Variants in DMD observed in about 807,000 individuals in gnomAD.
DMD encodes the protein mutant dystrophin.
A neutral mutation model predicts 330.1 loss-of-function variants in DMD; 63 were observed. The ratio of observed to expected loss-of-function variants is 0.19; its 90% CI spans 0.16 to 0.24. DMD has a LOEUF of 0.24. Among genes scored for constraint, DMD ranks in the 10% least tolerant of loss-of-function variants. DMD has a pLI of 1.00. For synonymous variants in DMD, 1,223 were observed against 959.8 expected (o/e 1.27, Z -5.07); for missense variants, 3,344 against 2,684.1 (o/e 1.25, Z -5.43).
intron 45 of DMD, among the ~76,000 whole-genome samples, chrX:31,963,351 G>T: frequency 8.9e-6 from 1 of 112,060 alleles, no homozygotes; most frequent in Non-Finnish European, 1.9e-5. Context: ...TTTGGTTTAA[G>T]AATTCAGAAG....
chrX:32,901,314 G>C (rs1411601969), intron 2 of DMD, among the ~76,000 whole-genome samples: 1 of 111,296 alleles, frequency 9.0e-6, no homozygotes, highest in Admixed American at 9.6e-5. Flanking sequence ...TATAAAAGAT[G>C]AACAAGTGTA....
intron 4 of DMD, among the ~76,000 whole-genome samples, chrX:32,827,060 C>G (rs1256592465): frequency 1.6e-5 from 1 of 61,361 alleles, no homozygotes; most frequent in Non-Finnish European, 3.1e-5. Context: ...CATCGCACCC[C>G]CCCCCCACAC....
chrX:32,864,090 T>C (rs113415804), intron 2 of DMD, among the ~76,000 whole-genome samples: 29 of 112,736 alleles, frequency 2.6e-4, no homozygotes, highest in African/African-American at 9.0e-4. Flanking sequence ...TTATGCAATT[T>C]CCAATTCTGA....
chrX:33,262,620 A>G (rs763986454), intron 1 of DMD, among the ~76,000 whole-genome samples: 2 of 111,311 alleles, frequency 1.8e-5, no homozygotes, highest in African/African-American at 3.3e-5. Flanking sequence ...ACTAATGTAC[A>G]TACTAATCTA....
chrX:32,485,083 A>T lies in DMD; in HGVS notation c.2639T>A (p.Leu880Gln). The change falls in exon 21 of 79, where the codon CTA becomes CAA. Residue 880 changes from leucine (L) to glutamine (Q), a missense_variant. Coordinates refer to ENST00000357033, the MANE Select transcript of DMD (RefSeq NM_004006.3). ...TTCAATTTGAGGTTGAAGATCTGAT[A>T]GCCGGTTGACTTCATCCTGTGCCAT... The part of the protein sequence containing the change: ...LKICKDEVNR[L>Q]SDLQPQIERL... The T allele has an allele frequency of 8.3e-7, 1 of 1,210,504 alleles. No homozygotes were observed. The highest frequency in any genetic ancestry group is 1.8e-5 in the South Asian group (1 of 56,981).
intron 49 of DMD, among the ~76,000 whole-genome samples, chrX:31,822,654 G>T (rs1428625783): frequency 2.3e-4 from 2 of 8,853 alleles, no homozygotes; most frequent in Non-Finnish European, 4.0e-4. Context: ...AGGCAGAGGG[G>T]TGTGTGTGTG....
At chrX:31,425,908 A>G (rs1356769127) in intron 60 of DMD, among the ~76,000 whole-genome samples, 1 of 111,268 alleles carries the variant, frequency 9.0e-6, no homozygotes, top group African/African-American at 3.3e-5. Flanking sequence ...TGGTCTTTGG[A>G]CTTCAGTTTA....
chrX:32,817,301 A>T (rs2077840980), intron 5 of DMD, among the ~76,000 whole-genome samples: 1 of 110,547 alleles, frequency 9.0e-6, no homozygotes, highest in South Asian at 3.7e-4. Flanking sequence ...GGAAGGAAAT[A>T]TTTATCCCTA....
At chrX:32,607,195 C>A (rs1427789898) in intron 12 of DMD, among the ~76,000 whole-genome samples, 1 of 110,354 alleles carries the variant, frequency 9.1e-6, no homozygotes, top group South Asian at 3.7e-4. Context: ...AATACATTAA[C>A]TTCAGCTTGT....
At chrX:31,777,166 A>G (rs1228949760) in intron 50 of DMD, among the ~76,000 whole-genome samples, 1 of 111,930 alleles carries the variant, frequency 8.9e-6, no homozygotes, top group Non-Finnish European at 1.9e-5. Context: ...TTTAACAGCC[A>G]CCCATTAGAA....
chrX:31,407,090 T>C (rs764053527), intron 60 of DMD, among the ~76,000 whole-genome samples: 17 of 112,707 alleles, frequency 1.5e-4, no homozygotes, highest in Admixed American at 1.1e-3. Flanking sequence ...TTGAATATCA[T>C]AGGCATCATA....
At chrX:32,899,910 C>T (rs1453689774) in intron 2 of DMD, among the ~76,000 whole-genome samples, 2 of 110,934 alleles carry the variant, frequency 1.8e-5, no homozygotes, top group Non-Finnish European at 3.8e-5. Context: ...AGTTGAGCTG[C>T]TGTAATTTCA....
intron 9 of DMD, among the ~76,000 whole-genome samples, chrX:32,679,724 A>T (rs1250946231): frequency 9.2e-6 from 1 of 109,204 alleles, no homozygotes; most frequent in East Asian, 2.9e-4. Context: ...ATAATAAAAT[A>T]GAAGTTTTAA....
chrX:32,534,269 T>A, intron 17 of DMD, among the ~76,000 whole-genome samples: 1 of 111,783 alleles, frequency 8.9e-6, no homozygotes, highest in East Asian at 2.9e-4. Context: ...TATTCGTCCC[T>A]TCCCAAATCT....
chrX:32,989,315 T>C (rs58566711), intron 2 of DMD, among the ~76,000 whole-genome samples: 256 of 111,964 alleles, frequency 2.3e-3, no homozygotes, highest in African/African-American at 8.0e-3. Context: ...TCTGGTTTTG[T>C]CTGGGAATCG....
Position 32,888,545 on chromosome X carries a change from C to T in DMD, c.94-38725G>A, listed in dbSNP as rs760217478. On this transcript the variant is annotated intron_variant, in intron 2 of 78. Coordinates refer to ENST00000357033, the MANE Select transcript of DMD (RefSeq NM_004006.3). ...GTGAGAATATGGAAAAGAGGGAAAC[C>T]TTGGACCCTTAATGGGAACATAAAT... Among the ~76,000 whole-genome samples, 547 of 111,428 alleles carry T rather than the reference C, an allele frequency of 4.9e-3. 2 individuals carry two copies. The highest frequency in any genetic ancestry group is 0.017 in the African/African-American group (511 of 30,587).
intron 53 of DMD, among the ~76,000 whole-genome samples, chrX:31,674,595 G>A (rs1008630746): frequency 2.1e-4 from 23 of 111,951 alleles, no homozygotes; most frequent in Non-Finnish European, 4.3e-4. Context: ...CGTTTGAAAA[G>A]CTTTTACGCT....
At chrX:32,637,340 T>A (rs772961517) in intron 11 of DMD, among the ~76,000 whole-genome samples, 47 of 112,299 alleles carry the variant, frequency 4.2e-4, no homozygotes, top group Non-Finnish European at 7.7e-4. Flanking sequence ...TATAACTTAA[T>A]TATGAACAAG....
At chrX:32,806,623 C>G in intron 7 of DMD, among the ~76,000 whole-genome samples, 1 of 111,714 alleles carries the variant, frequency 9.0e-6, no homozygotes, top group Admixed American at 9.5e-5. Context: ...CTCTCCACCC[C>G]AAATCAACAG....
Sources: allele counts gnomAD v4.1 joint callset (sites outside exome capture counted in the v4.1 genomes callset), GRCh38; gene constraint gnomAD v4.1.1; transcripts MANE v1.5; gene names NCBI Gene and HGNC (gene_info 2026-07-23, HGNC 2026-07-21).